The following KAT6B variants were observed in gnomAD, a reference collection of about 807,000 sequenced individuals.
The protein encoded by KAT6B is lysine acetyltransferase 6B, also known as histone acetyltransferase KAT6B.
A neutral mutation model predicts 187.5 loss-of-function variants in KAT6B; 10 were observed. The ratio of observed to expected loss-of-function variants is 0.05; its 90% CI spans 0.03 to 0.09. The LOEUF is 0.09. Ranked by LOEUF, KAT6B falls within the 10% of genes least tolerant of loss-of-function variation. The pLI is 1.00. For synonymous variants in KAT6B, 861 were observed against 926.8 expected (o/e 0.93, Z 1.29); for missense variants, 1,952 against 2,558.9 (o/e 0.76, Z 5.12).
chr10:75,025,481 C>T, intron 17 of KAT6B: 1 of 469,878 alleles, frequency 2.1e-6, no homozygotes, highest in Non-Finnish European at 3.8e-6. Context: ...TAGGTGGGTT[C>T]ATCTTACTTA....
At chr10:75,016,450 A>AC (rs1232111857) in intron 13 of KAT6B, among the ~76,000 whole-genome samples, 2 of 152,206 alleles carry the variant, frequency 1.3e-5, no homozygotes, top group Non-Finnish European at 2.9e-5. Context: ...GTCAGATGTC[A>AC]CCTTCCCCAG....
At chr10:75,025,344 C>T in intron 17 of KAT6B, 95 bp downstream of exon 17, 1 of 1,298,752 alleles carries the variant, frequency 7.7e-7, no homozygotes, top group Non-Finnish European at 1.1e-6. Context: ...CCAGAGGCAC[C>T]TGCGAAGTGG....
chr10:75,008,661 C>T (rs1180502823), intron 13 of KAT6B, among the ~76,000 whole-genome samples: 1 of 152,118 alleles, frequency 6.6e-6, no homozygotes, highest in Non-Finnish European at 1.5e-5. Context: ...GAGTTGCATC[C>T]AGTTAAAAAC....
chr10:74,985,918 C>T lies in KAT6B; in HGVS notation c.2535+677C>T, dbSNP rs146815543. On this transcript the variant is annotated intron_variant, in intron 12 of 17. Transcript: ENST00000287239. ...GAAATTAGCTGGGCCTGGTGGTGCA[C>T]GCCTGTAGTCCCAGCTACTTGGGAG... Among the ~76,000 whole-genome samples the T allele has an allele frequency of 6.6e-5, 10 of 152,130 alleles. No individual in the cohort carries two copies. The East Asian group carries it at 1.2e-3, about 18-fold the overall frequency.
At chr10:74,857,057 A>G (rs1368504111) in intron 3 of KAT6B, among the ~76,000 whole-genome samples, 5 of 152,174 alleles carry the variant, frequency 3.3e-5, no homozygotes, top group African/African-American at 1.2e-4. Context: ...TCGTTTATAA[A>G]GGCGCCTTTT....
chr10:74,877,115 G>A (rs531666885), intron 3 of KAT6B, among the ~76,000 whole-genome samples: 22 of 150,476 alleles, frequency 1.5e-4, no homozygotes, highest in African/African-American at 2.7e-4. Context: ...ACAGGCATGC[G>A]CCACCACGCC....
intron 3 of KAT6B, among the ~76,000 whole-genome samples, chr10:74,930,741 G>A (rs1848811774): frequency 6.6e-6 from 1 of 152,140 alleles, no homozygotes; most frequent in African/African-American, 2.4e-5. Context: ...GGAGGTTCCA[G>A]GCTTTTCTTT....
intron 3 of KAT6B, among the ~76,000 whole-genome samples, chr10:74,910,482 G>T (rs911589950): frequency 2.0e-5 from 3 of 152,076 alleles, no homozygotes; most frequent in African/African-American, 7.2e-5. Context: ...ACTCTGTCTT[G>T]GCTTCTAGAG....
intron 7 of KAT6B, among the ~76,000 whole-genome samples, chr10:74,974,815 G>A (rs1239550585): frequency 2.0e-5 from 3 of 152,140 alleles, no homozygotes; most frequent in Admixed American, 6.5e-5. Context: ...TCCTAAGAGA[G>A]TATTATTGGT....
At chr10:74,907,977 T>A (rs1331264890) in intron 3 of KAT6B, among the ~76,000 whole-genome samples, 1 of 152,146 alleles carries the variant, frequency 6.6e-6, no homozygotes, top group Non-Finnish European at 1.5e-5. Flanking sequence ...GGTGGAGTCT[T>A]TAAGAGGTGA....
In KAT6B at chr10:75,022,028, G is replaced by A. The variant is rs1845448491; in HGVS notation, c.3169G>A (p.Glu1057Lys). 1 of 1,613,958 alleles carries A rather than the reference G, an allele frequency of 6.2e-7. No homozygotes were observed. Among genetic ancestry groups the A allele is most frequent in the African/African-American group, 1.3e-5 (1 of 74,892 alleles). ...CCCGGAGAGCCGGCCAGTCACAGGGGAGCGAGGGCAGCTGCTGGAGCTGTC... is the reference window on the plus strand; with the variant it reads ...CCCGGAGAGCCGGCCAGTCACAGGGAAGCGAGGGCAGCTGCTGGAGCTGTC... ...HSPESRPVTG[E>K]RGQLLELSKE... The change falls in exon 16 of 18, where the codon GAG (glutamate) becomes AAG (lysine). Residue 1057 changes from glutamate to lysine, a missense_variant. Coordinates refer to ENST00000287239, the MANE Select transcript of KAT6B (RefSeq NM_012330.4).
At chr10:74,856,891 ACT>A (rs1206105031) in intron 3 of KAT6B, among the ~76,000 whole-genome samples, 2 of 151,778 alleles carry the variant, frequency 1.3e-5, no homozygotes, top group Admixed American at 6.6e-5. Flanking sequence ...ACAGAGTGAG[ACT>A]CTGTCTCAAA....
chr10:74,909,832 A>C (rs939987028), intron 3 of KAT6B, among the ~76,000 whole-genome samples: 10 of 152,138 alleles, frequency 6.6e-5, no homozygotes, highest in Non-Finnish European at 1.5e-4. Flanking sequence ...TTTATAGGGT[A>C]AGCAGAGTGC....
At position 74,970,001 on chromosome 10, in the gene KAT6B, C is replaced by T; in HGVS notation, c.847-19C>T. On this transcript the variant is annotated intron_variant, in intron 5 of 17. Transcript: ENST00000287239. Reference sequence around the variant, plus strand: ...AGTTGGTTTCAGTCTCAATTAGTCTCTAATATGTTATATTACAGGATAATA... The same window carrying T: ...AGTTGGTTTCAGTCTCAATTAGTCTTTAATATGTTATATTACAGGATAATA... 6.4e-7 allele frequency: 1 copy of T among 1,554,760 alleles called. No homozygotes were observed. The highest frequency in any genetic ancestry group is 8.9e-7 in the Non-Finnish European group (1 of 1,126,416).
At chr10:74,851,330 A>C (rs1302812589) in intron 3 of KAT6B, among the ~76,000 whole-genome samples, 1 of 144,952 alleles carries the variant, frequency 6.9e-6, no homozygotes, top group Non-Finnish European at 1.5e-5. Flanking sequence ...GCTGATAAGA[A>C]TGATTTTTTT....
At chr10:74,943,136 T>G (rs1849822289) in intron 3 of KAT6B, among the ~76,000 whole-genome samples, 1 of 152,064 alleles carries the variant, frequency 6.6e-6, no homozygotes, top group Non-Finnish European at 1.5e-5. Flanking sequence ...TTTAGCAGGG[T>G]CCTAGGATAC....
At chr10:74,872,283 G>A (rs1476992605) in intron 3 of KAT6B, among the ~76,000 whole-genome samples, 1 of 152,204 alleles carries the variant, frequency 6.6e-6, no homozygotes, top group African/African-American at 2.4e-5. Context: ...GCAGCAGCTG[G>A]TATAGAGGTT....
intron 13 of KAT6B, among the ~76,000 whole-genome samples, chr10:74,999,227 A>G (rs1843658158): frequency 5.3e-5 from 8 of 152,206 alleles, no homozygotes; most frequent in Admixed American, 5.2e-4. Context: ...GTGCTCAGAA[A>G]ATACTGGTAT....
intron 3 of KAT6B, among the ~76,000 whole-genome samples, chr10:74,946,096 A>G (rs1363505267): frequency 6.6e-6 from 1 of 152,192 alleles, no homozygotes; most frequent in Non-Finnish European, 1.5e-5. Context: ...GTTTTAAATA[A>G]TGAATCATTT....
Sources: allele counts gnomAD v4.1 joint callset (sites outside exome capture counted in the v4.1 genomes callset), GRCh38; gene constraint gnomAD v4.1.1; transcripts MANE v1.5; gene names NCBI Gene and HGNC (gene_info 2026-07-23, HGNC 2026-07-21).